SHTN1: variants seen among roughly 807,000 people sequenced by gnomAD.
SHTN1 encodes shootin 1, also known as shootin-1.
A neutral mutation model predicts 83.1 loss-of-function variants in SHTN1; 42 were observed. The observed-to-expected ratio is 0.51, with a 90% CI of 0.39 to 0.65. The LOEUF (loss-of-function observed/expected upper bound fraction) is 0.65. Among genes scored for constraint, SHTN1 ranks in the 30% least tolerant of loss-of-function variants. The pLI, the probability that SHTN1 is intolerant of heterozygous loss-of-function variation, is 0.00. For missense variants in SHTN1, 622 were observed against 737.8 expected, an observed-to-expected ratio of 0.84 and a Z score of 1.82; for synonymous variants, 224 against 247.7, an observed-to-expected ratio of 0.90 and a Z score of 0.90.
At chr10:116,962,079 A>C (rs1336977035) in intron 3 of SHTN1, among the ~76,000 whole-genome samples, 1 of 116,202 alleles carries the variant, frequency 8.6e-6, no homozygotes, top group East Asian at 3.0e-4. Context: ...CTTCTCTTCT[A>C]TCTCTTGTTC....
At chr10:116,938,609 C>T (rs191298648) in intron 9 of SHTN1, among the ~76,000 whole-genome samples, 2 of 152,350 alleles carry the variant, frequency 1.3e-5, no homozygotes, top group African/African-American at 4.8e-5. Flanking sequence ...TAGACCCCTG[C>T]TGGGAGGTGT....
rs371420811 is a variant in SHTN1, at chr10:117,078,240, C to T, written c.-188-29730G>A. ...GAAACATGGCTCTACCGGTATGACT[C>T]TGAAGACAAAGCACAATCGAAGACA... On this transcript the variant is annotated intron_variant, in intron 1 of 17. Transcript: ENST00000392901. Among the ~76,000 whole-genome samples, 12 of 152,274 alleles carry T rather than the reference C, an allele frequency of 7.9e-5. No individual in the cohort carries two copies. In the East Asian group the frequency reaches 9.6e-4, roughly 12 times the overall value.
At chr10:116,913,020 C>T (rs10886017) in intron 13 of SHTN1, among the ~76,000 whole-genome samples, 96 of 152,180 alleles carry the variant, frequency 6.3e-4, no homozygotes, top group African/African-American at 2.2e-3. Context: ...CCAGTCCATA[C>T]GCACTAAGAC....
Position 116,886,518 on chromosome 10 carries a change from T to C in SHTN1, c.1722A>G (p.Lys574=), listed in dbSNP as rs1847169128. 2 of 1,614,176 alleles carry C rather than the reference T, an allele frequency of 1.2e-6. No individual in the cohort carries two copies. The highest frequency in any genetic ancestry group is 1.7e-6 in the Non-Finnish European group (2 of 1,180,022). The change falls in exon 17 of 17, where the codon AAA becomes AAG. Residue 574 remains lysine, a synonymous_variant. Transcript: ENST00000355371. The stretch of plus-strand genomic sequence containing the variant: ...CTAAAACTACAACTGGTTCGGCTTG[T>C]TTTTCACCGTCAATGTATTTTTTCC... ...GCRKKYIDGE[K]QAEPVVVLDP...
intron 8 of SHTN1, among the ~76,000 whole-genome samples, chr10:116,940,923 T>G (rs376389352): frequency 1.3e-5 from 2 of 152,220 alleles, no homozygotes; most frequent in South Asian, 2.1e-4. Context: ...AGAATTTACC[T>G]TGTGTACTCC....
intron 1 of SHTN1, among the ~76,000 whole-genome samples, chr10:117,058,859 G>C (rs1039827474): frequency 6.6e-6 from 1 of 152,192 alleles, no homozygotes; most frequent in African/African-American, 2.4e-5. Context: ...TAAAACTTGA[G>C]GGCATTAGGC....
Position 116,911,777 on chromosome 10 carries a change from A to G in SHTN1, c.1359+13T>C. Reference sequence around the variant, plus strand: ...CCCCATTAGCTAAACAATAAACTGAAATCTATTCTTACCAGTATTCCTTTT... The same window carrying G: ...CCCCATTAGCTAAACAATAAACTGAGATCTATTCTTACCAGTATTCCTTTT... On this transcript the variant is annotated intron_variant, in intron 14 of 16. Coordinates refer to ENST00000355371, the MANE Select transcript of SHTN1 (RefSeq NM_001127211.3). 4 of 1,606,176 alleles carry G rather than the reference A, an allele frequency of 2.5e-6. No individual in the cohort carries two copies. The highest frequency in any genetic ancestry group is 3.4e-6 in the Non-Finnish European group (4 of 1,173,168).
At chr10:117,022,876 C>T (rs1852283781) in intron 2 of SHTN1, among the ~76,000 whole-genome samples, 1 of 152,206 alleles carries the variant, frequency 6.6e-6, no homozygotes, top group Non-Finnish European at 1.5e-5. Context: ...CAAGATTGCA[C>T]TCCTGCACTC....
intron 8 of SHTN1, among the ~76,000 whole-genome samples, chr10:116,942,086 TG>T (rs1849393610): frequency 6.6e-6 from 1 of 152,206 alleles, no homozygotes; most frequent in Admixed American, 6.5e-5. Flanking sequence ...TACACTTGGC[TG>T]GAGAAGGGTG....
At chr10:116,937,949 C>T (rs1000375547) in intron 9 of SHTN1, among the ~76,000 whole-genome samples, 4 of 151,238 alleles carry the variant, frequency 2.6e-5, no homozygotes, top group Admixed American at 6.6e-5. Flanking sequence ...TCTGCTTGAT[C>T]GATTCGGCTA....
chr10:116,927,897 C>G lies in SHTN1; in HGVS notation c.1013-6G>C. 2 of 1,612,202 alleles carry G rather than the reference C, an allele frequency of 1.2e-6. No individual in the cohort carries two copies. Among genetic ancestry groups the G allele is most frequent in the Non-Finnish European group, 1.7e-6 (2 of 1,179,140 alleles). ...TCGTTTCTGGAGTTCATCAACTGCA[C>G]AGAGAGCAAACATTCAGAAGAGAGC... is the stretch of plus-strand genomic sequence containing the variant. On this transcript the variant is annotated splice_region_variant and splice_polypyrimidine_tract_variant and intron_variant, in intron 10 of 16. Transcript: ENST00000355371.
At chr10:116,972,050 T>C (rs1011249551) in intron 2 of SHTN1, among the ~76,000 whole-genome samples, 15 of 152,200 alleles carry the variant, frequency 9.9e-5, no homozygotes, top group African/African-American at 3.6e-4. Context: ...TTGTACTAGT[T>C]GCCCAGAAGA....
At chr10:116,890,624 G>A (rs958257300) in intron 16 of SHTN1, among the ~76,000 whole-genome samples, 4 of 152,314 alleles carry the variant, frequency 2.6e-5, no homozygotes, top group Admixed American at 6.5e-5. Flanking sequence ...TAAAAGCTAC[G>A]AGAAATATAC....
chr10:116,968,511 C>T, intron 3 of SHTN1, 141 bp downstream of exon 3: 1 of 567,928 alleles, frequency 1.8e-6, no homozygotes. Flanking sequence ...GATGCCTGGG[C>T]ATGTTTGGAC....
chr10:116,990,663 T>C (rs997034573), intron 1 of SHTN1, among the ~76,000 whole-genome samples: 8 of 152,136 alleles, frequency 5.3e-5, no homozygotes, highest in Non-Finnish European at 1.0e-4. Flanking sequence ...GCATCTATGG[T>C]TTTAAGTCAT....
chr10:116,921,249 G>T (rs1282637210), intron 12 of SHTN1, among the ~76,000 whole-genome samples, 185 bp downstream of exon 12: 1 of 152,138 alleles, frequency 6.6e-6, no homozygotes, highest in African/African-American at 2.4e-5. Flanking sequence ...AGGTGTGCGT[G>T]TTTATCTCCT....
chr10:116,994,317 G>A (rs1014147191), intron 1 of SHTN1, among the ~76,000 whole-genome samples: 1 of 152,052 alleles, frequency 6.6e-6, no homozygotes, highest in Non-Finnish European at 1.5e-5. Context: ...AGAAAAGAGA[G>A]CAAGAGAAAG....
At chr10:117,065,743 A>C (rs1375410643) in intron 1 of SHTN1, among the ~76,000 whole-genome samples, 2 of 7,992 alleles carry the variant, frequency 2.5e-4, no homozygotes, top group Non-Finnish European at 1.0e-3. Flanking sequence ...AAAGAAAGAA[A>C]GAAAGAAAGA....
intron 2 of SHTN1, among the ~76,000 whole-genome samples, chr10:117,040,928 A>G (rs11197872): frequency 2.4e-4 from 36 of 151,396 alleles, no homozygotes; most frequent in African/African-American, 8.5e-4. Context: ...TTCTTTTATT[A>G]TATTTTATTT....
Sources: allele counts gnomAD v4.1 joint callset (sites outside exome capture counted in the v4.1 genomes callset), GRCh38; gene constraint gnomAD v4.1.1; transcripts MANE v1.5; gene names NCBI Gene and HGNC (gene_info 2026-07-23, HGNC 2026-07-21).